Variants in TBC1D12 observed in about 807,000 individuals in gnomAD.
The protein encoded by TBC1D12 is TBC1 domain family, member 12.
A neutral mutation model predicts 86.7 loss-of-function variants in TBC1D12; 56 were observed. The observed-to-expected ratio is 0.65, with a 90% CI of 0.52 to 0.81. The LOEUF (loss-of-function observed/expected upper bound fraction) is 0.81, where lower values mean the gene tolerates loss of function less well. Ranked by LOEUF, TBC1D12 falls within the 30% of genes least tolerant of loss-of-function variation. The pLI, the probability that TBC1D12 is intolerant of heterozygous loss-of-function variation, is 0.00. For missense variants in TBC1D12, 1,023 were observed against 1,038.8 expected (o/e 0.98, Z 0.21); for synonymous variants, 421 against 411.7 (o/e 1.02, Z -0.27).
chr10:94,428,412 C>A (rs753891737), intron 1 of TBC1D12, among the ~76,000 whole-genome samples: 2 of 150,824 alleles, frequency 1.3e-5, no homozygotes, highest in African/African-American at 4.9e-5. Context: ...CTCAACCTCT[C>A]GAGTAACTGG....
chr10:94,485,249 T>G (rs1459590731), intron 3 of TBC1D12, among the ~76,000 whole-genome samples: 3 of 152,142 alleles, frequency 2.0e-5, no homozygotes, highest in Admixed American at 6.5e-5. Context: ...CTTTTATTAT[T>G]TTGAGGTATG....
chr10:94,500,497 AT>A (rs2056381351), intron 6 of TBC1D12, among the ~76,000 whole-genome samples, 170 bp downstream of exon 6: 1 of 152,180 alleles, frequency 6.6e-6, no homozygotes, highest in Non-Finnish European at 1.5e-5. Context: ...ACCTGTTATG[AT>A]TTAATAAGTT....
intron 1 of TBC1D12, 21 bp downstream of exon 1, chr10:94,403,605 G>T: frequency 7.0e-7 from 1 of 1,435,638 alleles, no homozygotes; most frequent in Non-Finnish European, 9.1e-7. Flanking sequence ...GGCTGCATGG[G>T]ACTCGGGGCG....
intron 1 of TBC1D12, among the ~76,000 whole-genome samples, chr10:94,414,787 A>C (rs2054977044): frequency 6.6e-6 from 1 of 151,934 alleles, no homozygotes; most frequent in African/African-American, 2.4e-5. Flanking sequence ...TTTAGTAGAG[A>C]TGGGGCTTCA....
intron 7 of TBC1D12, 151 bp from the exon 8 acceptor site, chr10:94,509,940 T>G: frequency 1.7e-6 from 1 of 602,432 alleles, no homozygotes. Context: ...AATAACAAGT[T>G]CTAACAAAAG....
Position 94,474,668 on chromosome 10 carries a change from G to A in TBC1D12, c.1096G>A (p.Glu366Lys), listed in dbSNP as rs781557804. Residue 366 changes from glutamate to lysine, a missense_variant and splice_region_variant, in exon 3 of 13, where the codon GAA (glutamate) becomes AAA (lysine). Glu to Lys is a moderately conservative substitution (Grantham distance 56). Coordinates refer to ENST00000225235, the MANE Select transcript of TBC1D12 (RefSeq NM_015188.2). ...LQKTSKIIQQ[E>K]YEARTGRTCK... ...TAAGGTATGTTTTAATTTACTCTAG[G>A]AATATGAAGCACGAACGGGGAGGAC... is the stretch of plus-strand genomic sequence containing the variant. The A allele has an allele frequency of 3.7e-6, 6 of 1,613,146 alleles. No individual in the cohort carries two copies. In the South Asian group the frequency reaches 5.5e-5, roughly 15 times the overall value.
chr10:94,436,188 G>A (rs2055293764), intron 1 of TBC1D12, among the ~76,000 whole-genome samples: 1 of 150,442 alleles, frequency 6.6e-6, no homozygotes, highest in African/African-American at 2.5e-5. Context: ...GCTAGCTGGA[G>A]TGCAGTGATG....
At chr10:94,495,441 A>G (rs1564976409) in intron 4 of TBC1D12, among the ~76,000 whole-genome samples, 1 of 152,186 alleles carries the variant, frequency 6.6e-6, no homozygotes, top group Non-Finnish European at 1.5e-5. Flanking sequence ...GAGCGTTGAG[A>G]TTATAGGCAT....
chr10:94,507,406 A>G, intron 7 of TBC1D12, 59 bp downstream of exon 7: 1 of 1,417,270 alleles, frequency 7.1e-7, no homozygotes, highest in East Asian at 2.3e-5. Flanking sequence ...CTGAGCATGT[A>G]TCAGAAGCTG....
chr10:94,454,821 A>T (rs1287578043), intron 2 of TBC1D12, among the ~76,000 whole-genome samples: 2 of 152,212 alleles, frequency 1.3e-5, no homozygotes, highest in Non-Finnish European at 1.5e-5. Context: ...CAATCATGTC[A>T]TCTGTAAACA....
Position 94,521,957 on chromosome 10 carries a change from C to G in TBC1D12, c.1764C>G (p.Val588=). 6.2e-7 allele frequency: 1 copy of G among 1,601,100 alleles called. No homozygotes were observed. Among genetic ancestry groups the G allele is most frequent in the Non-Finnish European group, 8.5e-7 (1 of 1,171,388 alleles). Reference sequence around the variant, plus strand: ...ACTAAATTTTTCTCCCTTTGAAGGTCCAAGGGATGTCCTTCATTGCAGCAG... The same window carrying G: ...ACTAAATTTTTCTCCCTTTGAAGGTGCAAGGGATGTCCTTCATTGCAGCAG... ...YTCYRPDVGY[V]QGMSFIAAVL... Residue 588 remains valine, a splice_region_variant and synonymous_variant, in exon 10 of 13, where the codon GTC becomes GTG. Coordinates refer to ENST00000225235, the MANE Select transcript of TBC1D12 (RefSeq NM_015188.2).
chr10:94,517,052 A>G (rs1003889577), intron 9 of TBC1D12, among the ~76,000 whole-genome samples: 1 of 151,978 alleles, frequency 6.6e-6, no homozygotes, highest in Non-Finnish European at 1.5e-5. Context: ...AGCCTACACT[A>G]GACTTTAAAA....
chr10:94,459,492 CCG>C lies in TBC1D12; in HGVS notation c.1096-15174_1096-15173del, dbSNP rs386746683. Among the ~76,000 whole-genome samples, 554 of 152,382 alleles carry C rather than the reference CCG, an allele frequency of 3.6e-3. 3 individuals carry two copies. The highest frequency in any genetic ancestry group is 0.013 in the African/African-American group (534 of 41,598). On this transcript the variant is annotated intron_variant, in intron 2 of 12. Coordinates refer to ENST00000225235, the MANE Select transcript of TBC1D12 (RefSeq NM_015188.2). ...TGCCCGCCAGTACCGCGCTGTGCGCCCGCATTCCTCAGCCCTTGGATGGTAGA... is the reference window on the plus strand; with the variant it reads ...TGCCCGCCAGTACCGCGCTGTGCGCCCATTCCTCAGCCCTTGGATGGTAGA...
intron 9 of TBC1D12, among the ~76,000 whole-genome samples, chr10:94,513,892 A>C (rs2056555348): frequency 6.6e-6 from 1 of 152,116 alleles, no homozygotes; most frequent in South Asian, 2.1e-4. Context: ...AACGTTGTAT[A>C]ATTAAAACAA....
chr10:94,514,259 C>T (rs888145391), intron 9 of TBC1D12, among the ~76,000 whole-genome samples: 2 of 152,088 alleles, frequency 1.3e-5, no homozygotes, highest in Admixed American at 6.5e-5. Context: ...CCTGTAGTCC[C>T]AGCTACTCAA....
chr10:94,403,745 C>T (rs1283760698), intron 1 of TBC1D12, among the ~76,000 whole-genome samples, 161 bp downstream of exon 1: 1 of 152,212 alleles, frequency 6.6e-6, no homozygotes, highest in Non-Finnish European at 1.5e-5. Flanking sequence ...TGATTTGTCA[C>T]TGGAGGAAGA....
chr10:94,408,477 TA>T (rs2054886105), intron 1 of TBC1D12, among the ~76,000 whole-genome samples: 1 of 152,294 alleles, frequency 6.6e-6, no homozygotes, highest in Middle Eastern at 3.4e-3. Context: ...CCATTCTCCC[TA>T]ATATGAAAAC....
chr10:94,443,732 G>A (rs1297904157), intron 2 of TBC1D12, among the ~76,000 whole-genome samples: 2 of 152,150 alleles, frequency 1.3e-5, no homozygotes, highest in Admixed American at 6.5e-5. Flanking sequence ...TTTTTTCTGA[G>A]GTTGCTGTGA....
chr10:94,487,542 C>T (rs911784421), intron 3 of TBC1D12, among the ~76,000 whole-genome samples: 1 of 151,786 alleles, frequency 6.6e-6, no homozygotes, highest in African/African-American at 2.4e-5. Flanking sequence ...TTATTTTAAA[C>T]TGATGACAAC....
Sources: gnomAD v4.1 joint callset for allele counts (sites outside exome capture counted in the v4.1 genomes callset) on GRCh38, gnomAD v4.1.1 for gene constraint, MANE v1.5 for transcripts, NCBI Gene and HGNC (gene_info 2026-07-23, HGNC 2026-07-21) for gene names.